Variants in ANK2 observed in about 807,000 individuals in gnomAD.
The protein encoded by ANK2 is ankyrin 2.
Under a neutral mutation model 360.5 loss-of-function variants are expected in ANK2, and 83 were observed. That is an observed-to-expected ratio of 0.23 (90% CI 0.19 to 0.28). The LOEUF (loss-of-function observed/expected upper bound fraction) is 0.28, where lower values mean the gene tolerates loss of function less well. Ranked by LOEUF, ANK2 falls within the 10% of genes least tolerant of loss-of-function variation. The probability of loss-of-function intolerance (pLI) is 1.00; values close to 1 mark genes in which losing one functional copy is unlikely to be tolerated. For synonymous variants in ANK2, 1,740 were observed against 1,759.5 expected, an observed-to-expected ratio of 0.99 and a Z score of 0.28; for missense variants, 4,201 against 4,795.7, an observed-to-expected ratio of 0.88 and a Z score of 3.66.
intron 1 of ANK2, among the ~76,000 whole-genome samples, chr4:112,831,046 G>T (rs1192906757): frequency 6.6e-6 from 1 of 152,230 alleles, no homozygotes; most frequent in Non-Finnish European, 1.5e-5. Flanking sequence ...TCTCACCATA[G>T]GGCAGGGCTC....
intron 20 of ANK2, 41 bp downstream of exon 20, chr4:113,288,527 A>T (rs757839413): frequency 6.4e-7 from 1 of 1,551,230 alleles, no homozygotes; most frequent in Non-Finnish European, 8.9e-7. Flanking sequence ...ATAAGCAAAA[A>T]GGTTCAGCCA....
At chr4:113,141,387 G>A (rs536430922) in intron 1 of ANK2, 7 of 152,266 alleles carry the variant, frequency 4.6e-5, no homozygotes, top group African/African-American at 1.4e-4. Flanking sequence ...GACTAAATAG[G>A]TGATCACCTT....
Position 113,356,842 on chromosome 4 carries a change from C to T in ANK2, c.8224C>T (p.His2742Tyr). The change falls in exon 38 of 46, where the codon CAT becomes TAT. Residue 2742 changes from histidine (H) to tyrosine (Y), a missense_variant. By Grantham distance (83) the His-to-Tyr change is moderately conservative. Coordinates refer to ENST00000357077, the MANE Select transcript of ANK2 (RefSeq NM_001148.6). Reference sequence around the variant, plus strand: ...AGAAGAAGAAAAAGATTCTGAATCCCATTTAGCTGAAGACCGTCATGCTGT... The same window carrying T: ...AGAAGAAGAAAAAGATTCTGAATCCTATTTAGCTGAAGACCGTCATGCTGT... ...KSEEEKDSES[H>Y]LAEDRHAVST... is the part of the protein sequence containing the mutation. 6.2e-7 allele frequency: 1 copy of T among 1,613,996 alleles called. No individual in the cohort carries two copies. The highest frequency in any genetic ancestry group is 8.5e-7 in the Non-Finnish European group (1 of 1,179,958).
At chr4:112,783,713 G>A in the ANK2 span, among the ~76,000 whole-genome samples, 3,116 of 151,288 alleles carry the variant, frequency 0.021, 44 homozygotes, top group Middle Eastern at 0.034. Context: ...ATGCAGTGGC[G>A]CGATCGGCTC....
chr4:112,726,851 C>CAAAAA, the ANK2 span, among the ~76,000 whole-genome samples: 1 of 69,388 alleles, frequency 1.4e-5, no homozygotes, highest in African/African-American at 4.8e-5. Context: ...GACTCTGTCT[C>CAAAAA]AAAAAAAAAA....
chr4:113,258,365 T>C lies in ANK2; in HGVS notation c.1340T>C (p.Val447Ala), dbSNP rs1433218441. 6.2e-7 allele frequency: 1 copy of C among 1,614,034 alleles called. No homozygotes were observed. ...VAAFMGHLNIVLLLLQNGASP... is the reference protein window; with the variant it reads ...VAAFMGHLNIALLLLQNGASP... ...GCCTTCATGGGCCACTTGAACATTGTCCTCCTTCTGCTGCAGAACGGAGCC... is the reference window on the plus strand; with the variant it reads ...GCCTTCATGGGCCACTTGAACATTGCCCTCCTTCTGCTGCAGAACGGAGCC... The change falls in exon 13 of 46, where the codon GTC becomes GCC. Residue 447 changes from valine to alanine, a missense_variant. Val to Ala is a moderately conservative substitution (Grantham distance 64). Transcript: ENST00000357077.
chr4:113,260,625 A>G (rs897294568), intron 13 of ANK2, among the ~76,000 whole-genome samples: 2 of 152,234 alleles, frequency 1.3e-5, no homozygotes, highest in Admixed American at 1.3e-4. Flanking sequence ...AAATTTTTAT[A>G]TATGACCCAT....
At chr4:112,868,696 A>C (rs2071612928) in intron 1 of ANK2, among the ~76,000 whole-genome samples, 1 of 152,100 alleles carries the variant, frequency 6.6e-6, no homozygotes, top group Non-Finnish European at 1.5e-5. Flanking sequence ...TATTTGTTTC[A>C]TTTAAAAAAT....
chr4:112,772,479 A>G, the ANK2 span, among the ~76,000 whole-genome samples: 1 of 152,268 alleles, frequency 6.6e-6, no homozygotes, highest in South Asian at 2.1e-4. Context: ...CTTATTTTGG[A>G]GTAGCATATC....
intron 4 of ANK2, among the ~76,000 whole-genome samples, chr4:113,210,650 T>C (rs2153450996): frequency 6.6e-6 from 1 of 152,320 alleles, no homozygotes; most frequent in South Asian, 2.1e-4. Context: ...GTAAAACAGG[T>C]AAGGAATAAT....
At chr4:112,969,765 G>A (rs768789111) in intron 2 of ANK2, among the ~76,000 whole-genome samples, 2 of 152,114 alleles carry the variant, frequency 1.3e-5, no homozygotes, top group Admixed American at 6.5e-5. Context: ...TGTTCTGTCC[G>A]TGGTAGATAT....
chr4:113,242,063 A>G, intron 8 of ANK2, 48 bp from the exon 9 acceptor site: 1 of 1,486,760 alleles, frequency 6.7e-7, no homozygotes. Flanking sequence ...CATCGCCATC[A>G]TGCCCTGTCA....
intron 10 of ANK2, 41 bp from the exon 11 acceptor site, chr4:113,255,692 GAA>G (rs34725737): frequency 2.2e-5 from 27 of 1,228,382 alleles, no homozygotes; most frequent in South Asian, 4.3e-5. Flanking sequence ...TGAAAATAAT[GAA>G]AAAAAAAAAG....
chr4:113,132,858 T>G (rs1210562094), intron 1 of ANK2, among the ~76,000 whole-genome samples: 2 of 152,186 alleles, frequency 1.3e-5, no homozygotes, highest in Non-Finnish European at 1.5e-5. Flanking sequence ...GCCATCATGA[T>G]ACTACCTGCT....
At chr4:113,114,780 G>A (rs981878814) in intron 1 of ANK2, among the ~76,000 whole-genome samples, 1 of 152,108 alleles carries the variant, frequency 6.6e-6, no homozygotes, top group African/African-American at 2.4e-5. Context: ...CTTTCTTAAT[G>A]AGGTTTCTAG....
chr4:113,356,390 T>C lies in ANK2; in HGVS notation c.7772T>C (p.Met2591Thr). Residue 2591 changes from methionine (M) to threonine (T), a missense_variant, in exon 38 of 46, where the codon ATG becomes ACG. By Grantham distance (81) the Met-to-Thr change is moderately conservative. This residue lies in a region of ANK2 where 2,642 missense variants were observed against 2,714.5 expected (regional missense o/e 0.97). Transcript: ENST00000357077. ...ACACCTGAAGAGGAGATGTTTAAAA[T>C]GGTAACCAAAATCAAAATGTTTGAT... ...RFTPEEEMFK[M>T]VTKIKMFDEL... The C allele has an allele frequency of 6.2e-7, 1 of 1,614,120 alleles. No homozygotes were observed. Among genetic ancestry groups the C allele is most frequent in the Non-Finnish European group, 8.5e-7 (1 of 1,179,994 alleles).
intron 30 of ANK2, 158 bp downstream of exon 30, chr4:113,336,215 C>G: frequency 1.3e-6 from 1 of 758,766 alleles, no homozygotes; most frequent in Non-Finnish European, 2.0e-6. Flanking sequence ...TTATTGGTTA[C>G]TAATCTATTT....
intron 2 of ANK2, among the ~76,000 whole-genome samples, chr4:112,994,872 T>C (rs2048017729): frequency 6.6e-6 from 1 of 152,258 alleles, no homozygotes; most frequent in Non-Finnish European, 1.5e-5. Flanking sequence ...TTTCTGTTTC[T>C]GAGTTAATTT....
rs147530710 is a variant in ANK2, at chr4:113,213,943, G to T, written c.384+14834G>T. 6.1e-4 allele frequency: 358 copies of T among 591,564 alleles called. 52 individuals are homozygous for T. In the East Asian group the frequency reaches 8.2e-3, roughly 14 times the overall value. 36.6% of individuals were successfully genotyped at this position (591,564 alleles called of 1,614,324 possible). ...TAAATGGAAAAAGAAACGACAAAAT[G>T]CTGTTTTATTTATTTTTTTTTTTTA... On this transcript the variant is annotated intron_variant, in intron 4 of 45. Coordinates refer to ENST00000357077, the MANE Select transcript of ANK2 (RefSeq NM_001148.6).
Sources: allele counts gnomAD v4.1 joint callset (sites outside exome capture counted in the v4.1 genomes callset), GRCh38; gene constraint gnomAD v4.1.1; regional missense constraint gnomAD v4.1.1; transcripts MANE v1.5; gene names NCBI Gene and HGNC (gene_info 2026-07-23, HGNC 2026-07-21).